TAMM41: variants seen among roughly 807,000 people sequenced by gnomAD.
The protein encoded by TAMM41 is TAM41 mitochondrial translocator assembly and maintenance homolog.
Under a neutral mutation model 44.1 loss-of-function variants are expected in TAMM41, and 36 were observed. That is an observed-to-expected ratio of 0.82 (90% CI 0.63 to 1.08). The LOEUF (loss-of-function observed/expected upper bound fraction) is 1.08. Ranked by LOEUF, TAMM41 falls within the 50% of genes least tolerant of loss-of-function variation. TAMM41 has a pLI of 0.00. For missense variants in TAMM41, 417 were observed against 404.3 expected (o/e 1.03, Z -0.27); for synonymous variants, 164 against 153.1 (o/e 1.07, Z -0.53).
chr3:11,782,887 T>C, the TAMM41 span, among the ~76,000 whole-genome samples: 1 of 152,232 alleles, frequency 6.6e-6, no homozygotes, highest in Non-Finnish European at 1.5e-5. Flanking sequence ...CTGATGAGAT[T>C]CAGTCCTGTG....
chr3:11,757,004 A>G, the TAMM41 span, among the ~76,000 whole-genome samples: 1 of 152,210 alleles, frequency 6.6e-6, no homozygotes, highest in African/African-American at 2.4e-5. Flanking sequence ...TAGTGATTAC[A>G]TATGGACTGG....
chr3:11,770,410 C>A, the TAMM41 span, among the ~76,000 whole-genome samples: 4 of 152,170 alleles, frequency 2.6e-5, no homozygotes, highest in Non-Finnish European at 4.4e-5. Context: ...CCTTGCTGGG[C>A]AAAATAAAGG....
the TAMM41 span, among the ~76,000 whole-genome samples, chr3:11,758,097 G>A: frequency 6.9e-4 from 105 of 152,258 alleles, 1 homozygote; most frequent in African/African-American, 2.4e-3. Context: ...GGAGTCAGTC[G>A]GGTGAAAGAA....
chr3:11,780,143 T>C, the TAMM41 span, among the ~76,000 whole-genome samples: 4 of 152,186 alleles, frequency 2.6e-5, no homozygotes, highest in African/African-American at 9.7e-5. Flanking sequence ...ACTCTCTAGC[T>C]CAAAAATCCC....
intron 7 of TAMM41, among the ~76,000 whole-genome samples, chr3:11,805,683 A>G (rs1487303736): frequency 6.6e-6 from 1 of 152,200 alleles, no homozygotes; most frequent in Admixed American, 6.5e-5. Context: ...TGACCATACC[A>G]GCTCCCCAGC....
At chr3:11,786,511 G>T (rs1392373293), downstream of TAMM41, among the ~76,000 whole-genome samples, 1 of 151,416 alleles carries the variant, frequency 6.6e-6, no homozygotes, top group Non-Finnish European at 1.5e-5. Flanking sequence ...CACCATGTTG[G>T]CCAGGCTGGT....
chr3:11,829,796 A>G lies in TAMM41; in HGVS notation c.480T>C (p.Ala160=). 6.2e-7 allele frequency: 1 copy of G among 1,614,190 alleles called. No individual in the cohort carries two copies. Among genetic ancestry groups the G allele is most frequent in the Non-Finnish European group, 8.5e-7 (1 of 1,179,982 alleles). ...RSALDRNLKS[A]VTAAFLMLPE... Reference sequence around the variant, plus strand: ...GGAGCATGAGGAAAGCAGCGGTCACAGCACTCTTCAGATTTCTATCGAGGG... The same window carrying G: ...GGAGCATGAGGAAAGCAGCGGTCACGGCACTCTTCAGATTTCTATCGAGGG... The change falls in exon 4 of 8, where the codon GCT becomes GCC. Residue 160 remains alanine (A), a synonymous_variant. Coordinates refer to ENST00000455809, the MANE Select transcript of TAMM41 (RefSeq NM_001284401.2).
the TAMM41 span, among the ~76,000 whole-genome samples, chr3:11,769,953 C>A: frequency 6.6e-6 from 1 of 152,246 alleles, no homozygotes; most frequent in Non-Finnish European, 1.5e-5. Context: ...CTATCTGTGA[C>A]AAGCCTGCCA....
the TAMM41 span, among the ~76,000 whole-genome samples, chr3:11,768,324 G>C: frequency 6.6e-6 from 1 of 152,012 alleles, no homozygotes; most frequent in African/African-American, 2.4e-5. Flanking sequence ...TATTTGTAGA[G>C]ATGGGGTCTC....
chr3:11,827,981 A>T (rs1177350138), intron 4 of TAMM41, among the ~76,000 whole-genome samples: 2 of 152,186 alleles, frequency 1.3e-5, no homozygotes, highest in African/African-American at 4.8e-5. Context: ...GGGACCATAT[A>T]TAATCTCACA....
chr3:11,747,627 G>C, the TAMM41 span, among the ~76,000 whole-genome samples: 1 of 151,374 alleles, frequency 6.6e-6, no homozygotes, highest in Non-Finnish European at 1.5e-5. Flanking sequence ...AAACTAGCTG[G>C]GTATGGTGGT....
downstream of TAMM41, among the ~76,000 whole-genome samples, chr3:11,787,721 G>A (rs1367715727): frequency 2.0e-5 from 3 of 152,108 alleles, no homozygotes; most frequent in African/African-American, 7.2e-5. Context: ...ATGGGTATAA[G>A]AATACCTACA....
chr3:11,777,470 A>ACATAC, the TAMM41 span, among the ~76,000 whole-genome samples: 1 of 152,206 alleles, frequency 6.6e-6, no homozygotes, highest in African/African-American at 2.4e-5. Context: ...GATATAATTT[A>ACATAC]CATACCATAG....
the TAMM41 span, among the ~76,000 whole-genome samples, chr3:11,751,629 C>G: frequency 6.6e-6 from 1 of 152,302 alleles, no homozygotes; most frequent in Non-Finnish European, 1.5e-5. Context: ...GGAGGGCCAC[C>G]AGCGTATTTC....
the TAMM41 span, among the ~76,000 whole-genome samples, chr3:11,781,548 A>C: frequency 6.6e-6 from 1 of 152,120 alleles, no homozygotes; most frequent in Non-Finnish European, 1.5e-5. Context: ...CAGCCTGGCC[A>C]ACATGGCAAA....
the TAMM41 span, among the ~76,000 whole-genome samples, chr3:11,763,548 A>G: frequency 6.6e-6 from 1 of 152,244 alleles, no homozygotes; most frequent in African/African-American, 2.4e-5. Context: ...ATTTTGGCCT[A>G]AAATGTGAAA....
At chr3:11,758,552 A>T in the TAMM41 span, among the ~76,000 whole-genome samples, 1 of 152,006 alleles carries the variant, frequency 6.6e-6, no homozygotes, top group Admixed American at 6.6e-5. Context: ...GGGTTTCACC[A>T]TGTTGGTCAG....
the TAMM41 span, among the ~76,000 whole-genome samples, chr3:11,740,769 T>C: frequency 1.3e-5 from 2 of 151,584 alleles, no homozygotes; most frequent in Non-Finnish European, 2.9e-5. Flanking sequence ...TTGCACCATG[T>C]TGGCCAGGCT....
Position 11,809,677 on chromosome 3 carries a change from A to G in TAMM41, c.714T>C (p.Asp238=), listed in dbSNP as rs1490143539. 3 of 1,610,194 alleles carry G rather than the reference A, an allele frequency of 1.9e-6. No individual in the cohort carries two copies. The highest frequency in any genetic ancestry group is 2.2e-5 in the South Asian group (2 of 89,942). Residue 238 remains aspartate, a synonymous_variant, in exon 6 of 8, where the codon GAT becomes GAC. Coordinates refer to ENST00000455809, the MANE Select transcript of TAMM41 (RefSeq NM_001284401.2). ...YKSQQGWLEI[D]KSPEGQFTQL... is the part of the protein sequence containing the mutation. ...GAGTGAACTGTCCTTCTGGGCTTTT[A>G]TCTATCTGAAGGGAGGAAAAAAAAG...
Sources: gnomAD v4.1 joint callset for allele counts (sites outside exome capture counted in the v4.1 genomes callset) on GRCh38, gnomAD v4.1.1 for gene constraint, MANE v1.5 for transcripts, NCBI Gene and HGNC (gene_info 2026-07-23, HGNC 2026-07-21) for gene names.